The following PLCB3 variants were observed in gnomAD, a reference collection of about 807,000 sequenced individuals.
The protein encoded by PLCB3 is 1-phosphatidylinositol 4,5-bisphosphate phosphodiesterase beta-3.
Under a neutral mutation model 152.1 loss-of-function variants are expected in PLCB3, and 54 were observed. The ratio of observed to expected loss-of-function variants is 0.36; its 90% CI spans 0.29 to 0.45. PLCB3 has a LOEUF of 0.45. PLCB3 is among the 20% of genes least tolerant of loss of function. The pLI is 1.00. For synonymous variants in PLCB3, 717 were observed against 698.7 expected, an observed-to-expected ratio of 1.03 and a Z score of -0.41; for missense variants, 1,248 against 1,687.5, an observed-to-expected ratio of 0.74 and a Z score of 4.56.
rs1388824466 is a variant in PLCB3, at chr11:64,266,990, C to T, written c.3415-195C>T. On this transcript the variant is annotated intron_variant, in intron 29 of 30. Coordinates refer to ENST00000279230, the MANE Select transcript of PLCB3 (RefSeq NM_000932.5). The surrounding 1 kb of genome is among the most constrained non-coding windows in gnomAD (Gnocchi z 4.9). ...TTTATTTTTAGTAGAGATGGGGTTT[C>T]ACCATGTTGGCCAGGCTGTTCTCGA... Among the ~76,000 whole-genome samples, 2 of 152,174 alleles carry T rather than the reference C, an allele frequency of 1.3e-5. No individual in the cohort carries two copies. Among genetic ancestry groups the T allele is most frequent in the Non-Finnish European group, 2.9e-5 (2 of 68,032 alleles).
intron 10 of PLCB3, among the ~76,000 whole-genome samples, chr11:64,257,016 T>TTTTTTGTTTTTTTTTTTTTTTC (rs2031574155): frequency 8.3e-6 from 1 of 120,590 alleles, no homozygotes; most frequent in Admixed American, 9.7e-5. Context: ...TTTTTTTTTT[T>TTTTTTGTTTTTTTTTTTTTTTC]TTTTTGAGAC....
chr11:64,264,216 A>T, intron 22 of PLCB3, 104 bp downstream of exon 22: 4 of 711,712 alleles, frequency 5.6e-6, no homozygotes, highest in South Asian at 2.6e-5. Flanking sequence ...TCTCTAGCGC[A>T]GTAGGCTTGG....
Position 64,267,416 on chromosome 11 carries a change from C to G in PLCB3, c.3565C>G (p.Arg1189Gly). ...QRARLPQEIRRSLLGEMPEGL... is the reference protein window; with the variant it reads ...QRARLPQEIRGSLLGEMPEGL... ...GGCGAGGCTCCCCCAGGAGATCCGC[C>G]GGAGCCTGCTGGGCGAGATGCCGGA... Residue 1189 changes from arginine (R) to glycine (G), a missense_variant, in exon 31 of 31, where the codon CGG becomes GGG. Around this residue, in one of 6 missense-constraint regions of PLCB3, gnomAD observed 477 missense variants for 489.6 expected, o/e 0.97. Coordinates refer to ENST00000279230, the MANE Select transcript of PLCB3 (RefSeq NM_000932.5). The surrounding 1 kb of genome is among the most constrained non-coding windows in gnomAD (Gnocchi z 5.2). 6.5e-7 allele frequency: 1 copy of G among 1,541,750 alleles called. No individual in the cohort carries two copies. The highest frequency in any genetic ancestry group is 8.7e-7 in the Non-Finnish European group (1 of 1,143,366).
intron 25 of PLCB3, 151 bp downstream of exon 25, chr11:64,265,653 C>T (rs1439482285): frequency 2.1e-5 from 28 of 1,330,060 alleles, no homozygotes; most frequent in Middle Eastern, 2.7e-4. Context: ...CCACACCAGG[C>T]GTCCCTGTGT....
Position 64,266,562 on chromosome 11 carries a change from G to GC in PLCB3, c.3414+11dup. The GC allele has an allele frequency of 6.2e-7, 1 of 1,613,158 alleles. No homozygotes were observed. Among genetic ancestry groups the GC allele is most frequent in the Admixed American group, 1.7e-5 (1 of 59,998 alleles). On this transcript the variant is annotated intron_variant, in intron 29 of 30. Transcript: ENST00000279230. This position sits in a 1 kb window ranked among gnomAD's most constrained non-coding sequence, Gnocchi z 4.9. Reference sequence around the variant, plus strand: ...CAACTCCATCCGTCGGGTGAGTCAGGCTCCCGGGCCACCCTACCCCACCTC... The same window carrying GC: ...CAACTCCATCCGTCGGGTGAGTCAGGCCTCCCGGGCCACCCTACCCCACCTC...
intron 1 of PLCB3, among the ~76,000 whole-genome samples, chr11:64,252,396 C>T (rs2031260013): frequency 6.6e-6 from 1 of 152,108 alleles, no homozygotes; most frequent in Non-Finnish European, 1.5e-5. Context: ...CCCAATACAT[C>T]CTGGCCCCCC....
chr11:64,256,812 T>C (rs2096796978), intron 10 of PLCB3, 48 bp downstream of exon 10: 1 of 1,587,092 alleles, frequency 6.3e-7, no homozygotes, highest in South Asian at 1.1e-5. Flanking sequence ...CCTGTGACCC[T>C]TGCACAGCCC....
rs749020146 is a variant in PLCB3, at chr11:64,260,223, A to C, written c.1720A>C (p.Thr574Pro). The change falls in exon 14 of 31, where the codon ACT (threonine) becomes CCT (proline). Residue 574 changes from threonine to proline, a missense_variant. Coordinates refer to ENST00000279230, the MANE Select transcript of PLCB3 (RefSeq NM_000932.5). ...EEEQTDPKKP[T>P]TDEGTASSEV... The stretch of plus-strand genomic sequence containing the variant: ...GGAACAGACAGACCCCAAAAAGCCA[A>C]CTACAGATGAGGTCAGGCCCACAGG... The C allele has an allele frequency of 3.2e-6, 5 of 1,563,232 alleles. No individual in the cohort carries two copies. The highest frequency in any genetic ancestry group is 4.3e-6 in the Non-Finnish European group (5 of 1,153,332).
chr11:64,267,946 G>A (rs550254343), downstream of PLCB3: 39 of 187,092 alleles, frequency 2.1e-4, no homozygotes, highest in Admixed American at 3.3e-4. This position sits in a 1 kb window ranked among gnomAD's most constrained non-coding sequence, Gnocchi z 5.2. Flanking sequence ...TGTGATTTGG[G>A]GTGACAGGAC....
rs752067900 is a variant in PLCB3 at position 64,262,085 on chromosome 11, T to C, written c.2038+9T>C. 1.9e-6 allele frequency: 3 copies of C among 1,613,930 alleles called. No individual in the cohort carries two copies. Among genetic ancestry groups the C allele is most frequent in the East Asian group, 2.2e-5 (1 of 44,898 alleles). On this transcript the variant is annotated intron_variant, in intron 17 of 30. Coordinates refer to ENST00000279230, the MANE Select transcript of PLCB3 (RefSeq NM_000932.5). ...CAACTTCCAGACCCTCGGTGAGCCCTGGCCCCCTCCATCTTGACCCCGACC... is the reference window on the plus strand; with the variant it reads ...CAACTTCCAGACCCTCGGTGAGCCCCGGCCCCCTCCATCTTGACCCCGACC...
intron 10 of PLCB3, among the ~76,000 whole-genome samples, chr11:64,257,695 G>A (rs558162810): frequency 6.6e-5 from 10 of 152,170 alleles, no homozygotes; most frequent in African/African-American, 2.4e-4. Context: ...CTGGAGATAG[G>A]TGCCTGCTAA....
chr11:64,251,593 G>T lies in PLCB3; in HGVS notation c.-57G>T, dbSNP rs1302789179. ...GAGCGGGCCGCGCGGTGGGAGCAGC[G>T]GCGCCGTCGGTCCCCGTCAGGGCTC... On this transcript the variant is annotated 5_prime_UTR_variant, in exon 1 of 31. Transcript: ENST00000279230. 2.4e-6 allele frequency: 2 copies of T among 827,752 alleles called. No homozygotes were observed. Among genetic ancestry groups the T allele is most frequent in the Non-Finnish European group, 3.3e-6 (2 of 614,008 alleles). The allele number at this position is 827,752 out of a possible 1,614,324, so 51.3% of individuals were successfully genotyped here. A position where few individuals can be genotyped will look rare whatever the true frequency, so the allele number is the denominator to read the frequency against.
chr11:64,254,797 G>T lies in PLCB3; in HGVS notation c.227G>T (p.Arg76Leu), dbSNP rs371998747. Reference protein sequence around the residue: ...ISSIRDTRTGRYARLPKDPKI... With the variant: ...ISSIRDTRTGLYARLPKDPKI... ...TCCATCAGGGACACACGGACAGGCC[G>T]GTACGCCCGCCTGCCCAAGGTGAGT... is the stretch of plus-strand genomic sequence containing the variant. The change falls in exon 3 of 31, where the codon CGG (arginine) becomes CTG (leucine). Residue 76 changes from arginine to leucine, a missense_variant. This residue lies in a region of PLCB3 where 299 missense variants were observed against 434.7 expected (regional missense o/e 0.69). Coordinates refer to ENST00000279230, the MANE Select transcript of PLCB3 (RefSeq NM_000932.5). 1.2e-6 allele frequency: 2 copies of T among 1,613,684 alleles called. No individual in the cohort carries two copies. The highest frequency in any genetic ancestry group is 1.7e-6 in the Non-Finnish European group (2 of 1,179,990).
intron 10 of PLCB3, among the ~76,000 whole-genome samples, chr11:64,256,997 C>CTTTTTTTTTT (rs5792316): frequency 1.8e-4 from 11 of 61,584 alleles, no homozygotes; most frequent in South Asian, 8.4e-4. Context: ...CTTCAGGGTC[C>CTTTTTTTTTT]TTTTTTTTTT....
At chr11:64,265,647 A>G (rs2032080978) in intron 25 of PLCB3, 145 bp downstream of exon 25, 1 of 1,366,318 alleles carries the variant, frequency 7.3e-7, no homozygotes, top group South Asian at 1.5e-5. Context: ...GGCTTTCCAC[A>G]CCAGGCGTCC....
In PLCB3 at chr11:64,255,340, G is replaced by C. The variant is rs1400255707; in HGVS notation, c.467+27G>C. On this transcript the variant is annotated intron_variant, in intron 5 of 30. Transcript: ENST00000279230. The surrounding 1 kb of genome is among the most constrained non-coding windows in gnomAD (Gnocchi z 6.8). ...TGAGCCCCAGGCCACCCGAGGGGGA[G>C]CCGGGGGGTTCACGTGGCCGTTTTC... The C allele has an allele frequency of 1.2e-6, 2 of 1,613,510 alleles. No homozygotes were observed. The highest frequency in any genetic ancestry group is 1.7e-6 in the Non-Finnish European group (2 of 1,179,662).
intron 2 of PLCB3, 119 bp downstream of exon 2, chr11:64,254,611 G>C: frequency 7.5e-7 from 1 of 1,338,464 alleles, no homozygotes; most frequent in Non-Finnish European, 1.1e-6. Flanking sequence ...GCCCAGACAG[G>C]AAGTGCTCAG....
Position 64,255,286 on chromosome 11 carries a change from C to T in PLCB3, c.440C>T (p.Ala147Val). 1 of 1,613,940 alleles carries T rather than the reference C, an allele frequency of 6.2e-7. No individual in the cohort carries two copies. Among genetic ancestry groups the T allele is most frequent in the Non-Finnish European group, 8.5e-7 (1 of 1,179,998 alleles). Reference protein sequence around the residue: ...KLAMNILAQNASRNTFLRKAY... With the variant: ...KLAMNILAQNVSRNTFLRKAY... Reference sequence around the variant, plus strand: ...GCTATGAACATCCTGGCTCAGAACGCCTCCCGGAACACCTTCCTGCGCAAA... The same window carrying T: ...GCTATGAACATCCTGGCTCAGAACGTCTCCCGGAACACCTTCCTGCGCAAA... The change falls in exon 5 of 31, where the codon GCC becomes GTC. Residue 147 changes from alanine to valine, a missense_variant. By Grantham distance (64) the Ala-to-Val change is moderately conservative. This residue lies in a region of PLCB3 where 299 missense variants were observed against 434.7 expected (regional missense o/e 0.69). Coordinates refer to ENST00000279230, the MANE Select transcript of PLCB3 (RefSeq NM_000932.5). This position sits in a 1 kb window ranked among gnomAD's most constrained non-coding sequence, Gnocchi z 6.8.
Position 64,255,564 on chromosome 11 carries a change from A to G in PLCB3, c.545A>G (p.Asp182Gly). 1 of 1,613,730 alleles carries G rather than the reference A, an allele frequency of 6.2e-7. No individual in the cohort carries two copies. The highest frequency in any genetic ancestry group is 8.5e-7 in the Non-Finnish European group (1 of 1,179,932). ...AGCATCCTGAAGATGTTCTCAGCAG[A>G]CAAGAAGCGGGTGGAGACTGCGCTG... ...VKNILKMFSA[D>G]KKRVETALES... Residue 182 changes from aspartate (D) to glycine (G), a missense_variant, in exon 7 of 31, where the codon GAC (aspartate) becomes GGC (glycine). Asp to Gly is a moderately conservative substitution (Grantham distance 94, BLOSUM62 -1). Around this residue, in one of 6 missense-constraint regions of PLCB3, gnomAD observed 299 missense variants for 434.7 expected, o/e 0.69. Transcript: ENST00000279230. The surrounding 1 kb of genome is among the most constrained non-coding windows in gnomAD (Gnocchi z 6.8).
Sources: allele counts gnomAD v4.1 joint callset (sites outside exome capture counted in the v4.1 genomes callset), GRCh38; gene constraint gnomAD v4.1.1; regional missense constraint gnomAD v4.1.1; non-coding constraint Gnocchi (gnomAD v3.1); transcripts MANE v1.5; gene names NCBI Gene and HGNC (gene_info 2026-07-23, HGNC 2026-07-21).